GSE1: variants seen among roughly 807,000 people sequenced by gnomAD.
GSE1 encodes genetic suppressor element 1.
In GSE1, 32 loss-of-function variants were observed where a neutral mutation model predicts 112.6. The observed-to-expected ratio is 0.28, with a 90% CI of 0.21 to 0.38. The LOEUF is 0.38. Among genes scored for constraint, GSE1 ranks in the 10% least tolerant of loss-of-function variants. The probability of loss-of-function intolerance (pLI) is 1.00; values close to 1 mark genes in which losing one functional copy is unlikely to be tolerated. For synonymous variants in GSE1, 1,115 were observed against 735.6 expected (o/e 1.52, Z -8.35); for missense variants, 2,348 against 1,699.2 (o/e 1.38, Z -6.71).
chr16:85,329,930 G>T (rs2046303919), intron 1 of GSE1, among the ~76,000 whole-genome samples: 1 of 146,674 alleles, frequency 6.8e-6, no homozygotes, highest in Admixed American at 6.8e-5. Flanking sequence ...GGGGCAAGAG[G>T]CTGGTGGGGG....
At chr16:85,302,914 C>A (rs2045567021) in intron 1 of GSE1, among the ~76,000 whole-genome samples, 2 of 152,234 alleles carry the variant, frequency 1.3e-5, no homozygotes, top group South Asian at 4.1e-4. Flanking sequence ...ACGGGGTGCT[C>A]AGTGGGTCTT....
intron 1 of GSE1, among the ~76,000 whole-genome samples, chr16:85,305,612 C>G (rs2045657307): frequency 6.6e-6 from 1 of 152,134 alleles, no homozygotes; most frequent in Non-Finnish European, 1.5e-5. Flanking sequence ...TCCCGAGTAG[C>G]TGGGTAATTA....
At chr16:85,551,314 G>T (rs1362507551), upstream of GSE1, among the ~76,000 whole-genome samples, 1 of 152,188 alleles carries the variant, frequency 6.6e-6, no homozygotes, top group Non-Finnish European at 1.5e-5. Flanking sequence ...CTTCTCACAT[G>T]GGCACCTGGC....
intron 1 of GSE1, among the ~76,000 whole-genome samples, chr16:85,278,628 CAAGT>C (rs1248673399): frequency 6.6e-6 from 1 of 152,180 alleles, no homozygotes; most frequent in Non-Finnish European, 1.5e-5. Context: ...AATTCTGATA[CAAGT>C]AAGTGTCTTG....
At chr16:85,379,761 T>G (rs2047504602) in intron 2 of GSE1, among the ~76,000 whole-genome samples, 1 of 152,234 alleles carries the variant, frequency 6.6e-6, no homozygotes, top group Non-Finnish European at 1.5e-5. Flanking sequence ...TACTGGATCC[T>G]GGGCCCTGCC....
exon 1 of GSE1, chr16:85,556,292 C>T (rs1000492160): frequency 1.3e-5 from 13 of 983,158 alleles, no homozygotes; most frequent in Admixed American, 1.2e-4. Flanking sequence ...CCTTCTTCAT[C>T]CCTCTCTGGC....
Position 85,665,121 on chromosome 16 carries a change from C to T in GSE1, c.2751C>T (p.Ser917=). The change falls in exon 12 of 16, where the codon TCC becomes TCT. Residue 917 remains serine (S), a synonymous_variant. Coordinates refer to ENST00000253458, the MANE Select transcript of GSE1 (RefSeq NM_014615.5). The part of the protein sequence containing the change: ...TNSPRDSPAV[S]LSEPATQQAS... The stretch of plus-strand genomic sequence containing the variant: ...CTCCGAGGGACAGTCCTGCCGTCTC[C>T]CTGAGTGGTAAGGGAAGGATAGCCC... 6.3e-7 allele frequency: 1 copy of T among 1,596,234 alleles called. No individual in the cohort carries two copies. The highest frequency in any genetic ancestry group is 8.6e-7 in the Non-Finnish European group (1 of 1,164,298).
chr16:85,189,037 C>G (rs2074768417), intron 1 of GSE1, among the ~76,000 whole-genome samples: 1 of 152,202 alleles, frequency 6.6e-6, no homozygotes, highest in African/African-American at 2.4e-5. Flanking sequence ...TTTCCCTGCA[C>G]ACGCTCCAGT....
chr16:85,467,269 G>A (rs914069479), intron 2 of GSE1, among the ~76,000 whole-genome samples: 4 of 152,212 alleles, frequency 2.6e-5, no homozygotes, highest in South Asian at 2.1e-4. Flanking sequence ...CGGGTTGTGC[G>A]CAAGACACTT....
intron 1 of GSE1, among the ~76,000 whole-genome samples, chr16:85,577,879 G>A (rs1482611379): frequency 2.0e-5 from 3 of 152,258 alleles, no homozygotes; most frequent in Non-Finnish European, 4.4e-5. Context: ...GTTGAGCTGA[G>A]CCTTCCAAGC....
intron 2 of GSE1, among the ~76,000 whole-genome samples, chr16:85,426,493 TATGG>T (rs1249482806): frequency 4.4e-5 from 4 of 90,838 alleles, no homozygotes; most frequent in East Asian, 4.2e-4. Context: ...TAGATGTGTA[TATGG>T]ATGGATGGAT....
intron 11 of GSE1, chr16:85,664,781 G>A (rs147876221): frequency 8.4e-5 from 40 of 476,132 alleles, no homozygotes; most frequent in African/African-American, 5.5e-4. Flanking sequence ...GTCACCGCAC[G>A]GACAGCTGTC....
chr16:85,520,201 C>T (rs1416821013), intron 2 of GSE1, among the ~76,000 whole-genome samples: 1 of 152,096 alleles, frequency 6.6e-6, no homozygotes, highest in Non-Finnish European at 1.5e-5. Context: ...CTCGCTGTAT[C>T]CTCACATGGT....
At chr16:85,365,173 G>A (rs911592769) in intron 2 of GSE1, among the ~76,000 whole-genome samples, 17 of 152,166 alleles carry the variant, frequency 1.1e-4, no homozygotes, top group South Asian at 4.1e-4. Context: ...GGCTGGGGTC[G>A]GGGCTGTGTC....
At chr16:85,236,045 T>C (rs1483865121) in intron 1 of GSE1, among the ~76,000 whole-genome samples, 2 of 151,812 alleles carry the variant, frequency 1.3e-5, no homozygotes, top group Non-Finnish European at 2.9e-5. Context: ...GGGCTGGGGC[T>C]GGGGCTGGTG....
chr16:85,566,887 G>A (rs1184941541), intron 1 of GSE1, among the ~76,000 whole-genome samples: 3 of 152,190 alleles, frequency 2.0e-5, no homozygotes, highest in Non-Finnish European at 4.4e-5. Context: ...TGCTGTGGAG[G>A]GGCCGCAGCG....
At chr16:85,568,390 A>G (rs2045847780) in intron 1 of GSE1, among the ~76,000 whole-genome samples, 1 of 152,220 alleles carries the variant, frequency 6.6e-6, no homozygotes, top group Non-Finnish European at 1.5e-5. Context: ...GTTGTCTCTG[A>G]AAATAAGGGT....
chr16:85,420,612 T>C (rs1468799488), intron 2 of GSE1, among the ~76,000 whole-genome samples: 2 of 152,126 alleles, frequency 1.3e-5, no homozygotes, highest in African/African-American at 4.8e-5. Flanking sequence ...TCACAAACAC[T>C]GGAGGGCCTG....
chr16:85,171,170 G>T, exon 1 of GSE1: 4 of 985,610 alleles, frequency 4.1e-6, no homozygotes, highest in Non-Finnish European at 4.8e-6. Flanking sequence ...GCCCTGTACC[G>T]GGCCTGCCAG....
Sources: gnomAD v4.1 joint callset for allele counts (sites outside exome capture counted in the v4.1 genomes callset) on GRCh38, gnomAD v4.1.1 for gene constraint, MANE v1.5 for transcripts, NCBI Gene and HGNC (gene_info 2026-07-23, HGNC 2026-07-21) for gene names.